The following RNF31 variants were observed in gnomAD, a reference collection of about 807,000 sequenced individuals.
The protein encoded by RNF31 is E3 ubiquitin-protein ligase RNF31.
Under a neutral mutation model 133.6 loss-of-function variants are expected in RNF31, and 38 were observed. The observed-to-expected ratio is 0.28, with a 90% CI of 0.22 to 0.37. RNF31 has a LOEUF of 0.37. Among genes scored for constraint, RNF31 ranks in the 10% least tolerant of loss-of-function variants. RNF31 has a pLI of 1.00. For synonymous variants in RNF31, 582 were observed against 552.3 expected (o/e 1.05, Z -0.75); for missense variants, 1,118 against 1,394.1 (o/e 0.80, Z 3.15).
At position 24,151,013 on chromosome 14, in the gene RNF31, C is replaced by A; in HGVS notation, c.1489-118C>A. On this transcript the variant is annotated intron_variant, in intron 8 of 20. Coordinates refer to ENST00000324103, the MANE Select transcript of RNF31 (RefSeq NM_017999.5). This position sits in a 1 kb window ranked among gnomAD's most constrained non-coding sequence, Gnocchi z 5.3. ...CAGCTGCCTGTTACTGAGGCAGTTA[C>A]CATTGCTGTACACTGATGACATGAT... The A allele has an allele frequency of 6.6e-7, 1 of 1,515,996 alleles. No individual in the cohort carries two copies. Among genetic ancestry groups the A allele is most frequent in the South Asian group, 1.3e-5 (1 of 79,164 alleles). 93.9% of individuals were successfully genotyped at this position (1,515,996 alleles called of 1,614,324 possible).
Position 24,157,649 on chromosome 14 carries a change from A to G in RNF31, c.2727+11A>G. On this transcript the variant is annotated intron_variant, in intron 16 of 20. Coordinates refer to ENST00000324103, the MANE Select transcript of RNF31 (RefSeq NM_017999.5). ...TTTTACGCCAAGAATGTAAGCCCAGAGAGTTGGGGAAGGGGTGGAAGGGTG... is the reference window on the plus strand; with the variant it reads ...TTTTACGCCAAGAATGTAAGCCCAGGGAGTTGGGGAAGGGGTGGAAGGGTG... 1 of 1,610,274 alleles carries G rather than the reference A, an allele frequency of 6.2e-7. No individual in the cohort carries two copies. Among genetic ancestry groups the G allele is most frequent in the East Asian group, 2.2e-5 (1 of 44,854 alleles).
Position 24,148,706 on chromosome 14 carries a change from G to C in RNF31, c.555+5G>C. 1 of 1,614,198 alleles carries C rather than the reference G, an allele frequency of 6.2e-7. No individual in the cohort carries two copies. Among genetic ancestry groups the C allele is most frequent in the Non-Finnish European group, 8.5e-7 (1 of 1,180,022 alleles). ...GAAGACAAGGTTGAAGATGATGTAAGGAAGGCAGGAAAGGGGCTGGTGTAC... is the reference window on the plus strand; with the variant it reads ...GAAGACAAGGTTGAAGATGATGTAACGAAGGCAGGAAAGGGGCTGGTGTAC... On this transcript the variant is annotated splice_donor_5th_base_variant and intron_variant, in intron 4 of 20. Coordinates refer to ENST00000324103, the MANE Select transcript of RNF31 (RefSeq NM_017999.5).
Position 24,160,175 on chromosome 14 carries a change from A to T in RNF31, c.2997-64A>T. On this transcript the variant is annotated intron_variant, in intron 19 of 20. Coordinates refer to ENST00000324103, the MANE Select transcript of RNF31 (RefSeq NM_017999.5). The surrounding 1 kb of genome is among the most constrained non-coding windows in gnomAD (Gnocchi z 4.0). ...CGTCCAGGTGTCTCAGAGTCCAGCT[A>T]TGTTAGACACACTCAGTTAATATTA... The T allele has an allele frequency of 1.3e-6, 2 of 1,545,610 alleles. No individual in the cohort carries two copies. Among genetic ancestry groups the T allele is most frequent in the Non-Finnish European group, 1.8e-6 (2 of 1,139,090 alleles).
upstream of RNF31, chr14:24,147,497 C>G (rs1369001948): frequency 4.5e-6 from 2 of 448,044 alleles, no homozygotes; most frequent in African/African-American, 2.1e-5. Context: ...CACCCTCTCT[C>G]CTAGTACTTC....
At chr14:24,158,894 G>T (rs942372383) in intron 18 of RNF31, among the ~76,000 whole-genome samples, 2 of 151,704 alleles carry the variant, frequency 1.3e-5, no homozygotes, top group Non-Finnish European at 2.9e-5. Flanking sequence ...TTAGCCGGGC[G>T]TGGTGGCGGG....
At chr14:24,157,172 G>T in intron 14 of RNF31, 118 bp from the exon 15 acceptor site, 1 of 655,966 alleles carries the variant, frequency 1.5e-6, no homozygotes. Flanking sequence ...TGAGCAAATG[G>T]TAGGTGGCAG....
intron 6 of RNF31, 124 bp downstream of exon 6, chr14:24,149,707 C>T (rs1301324596): frequency 4.1e-6 from 4 of 983,428 alleles, no homozygotes; most frequent in Middle Eastern, 2.3e-4. Flanking sequence ...CAGTCAGAAC[C>T]CTGAAAGAGA....
chr14:24,160,210 A>G lies in RNF31; in HGVS notation c.2997-29A>G, dbSNP rs921993995. 6.3e-7 allele frequency: 1 copy of G among 1,597,788 alleles called. No homozygotes were observed. The highest frequency in any genetic ancestry group is 8.5e-7 in the Non-Finnish European group (1 of 1,171,828). On this transcript the variant is annotated intron_variant, in intron 19 of 20. Coordinates refer to ENST00000324103, the MANE Select transcript of RNF31 (RefSeq NM_017999.5). The surrounding 1 kb of genome is among the most constrained non-coding windows in gnomAD (Gnocchi z 4.0). ...CACTCAGTTAATATTAGCCAACACA[A>G]CAAATATTCTGCTCCCTTTTCTCCC...
intron 14 of RNF31, 59 bp from the exon 15 acceptor site, chr14:24,157,231 C>A: frequency 7.5e-7 from 1 of 1,341,188 alleles, no homozygotes; most frequent in Non-Finnish European, 1.0e-6. Context: ...GAGGGGCCAG[C>A]AAGAAAGGCC....
chr14:24,147,093 C>T (rs1594372019), upstream of RNF31: 2 of 187,714 alleles, frequency 1.1e-5, no homozygotes, highest in Middle Eastern at 2.2e-3. Flanking sequence ...TGAGGGTCTT[C>T]CCTCTGCCTT....
In RNF31 at chr14:24,155,302, T is replaced by C; in HGVS notation, c.2276T>C (p.Leu759Pro). Residue 759 changes from leucine (L) to proline (P), a missense_variant, in exon 12 of 21, where the codon CTC becomes CCC. Physicochemically the swap from Leu to Pro is moderately conservative, Grantham distance 98 (BLOSUM62 -3). Transcript: ENST00000324103. The surrounding 1 kb of genome is among the most constrained non-coding windows in gnomAD (Gnocchi z 4.9). ...RPDLTDDTQL[L>P]SYFSTLDIQL... The stretch of plus-strand genomic sequence containing the variant: ...GACCTCACCGATGACACACAGTTGC[T>C]CAGCTACTTCTCTACCCTTGACATC... 6.2e-7 allele frequency: 1 copy of C among 1,614,178 alleles called. No individual in the cohort carries two copies. The highest frequency in any genetic ancestry group is 8.5e-7 in the Non-Finnish European group (1 of 1,180,032).
In RNF31 at chr14:24,160,376, A is replaced by C. The variant is rs1357940344; in HGVS notation, c.3134A>C (p.Asp1045Ala). 12 of 1,614,074 alleles carry C rather than the reference A, an allele frequency of 7.4e-6. No homozygotes were observed. The highest frequency in any genetic ancestry group is 8.5e-6 in the Non-Finnish European group (10 of 1,179,970). The change falls in exon 20 of 21, where the codon GAT (aspartate) becomes GCT (alanine). Residue 1045 changes from aspartate (D) to alanine (A), a missense_variant. This residue lies in a region of RNF31 where 170 missense variants were observed against 194.5 expected (regional missense o/e 0.87). Coordinates refer to ENST00000324103, the MANE Select transcript of RNF31 (RefSeq NM_017999.5). The surrounding 1 kb of genome is among the most constrained non-coding windows in gnomAD (Gnocchi z 4.0). ...HVRPQPLAGEDPPAYQARLLQ... is the reference protein window; with the variant it reads ...HVRPQPLAGEAPPAYQARLLQ... ...CGCCCCCAGCCTTTGGCTGGAGAGG[A>C]TCCCCCTGCTTACCAGGCCCGCTTG...
intron 17 of RNF31, 54 bp from the exon 18 acceptor site, chr14:24,158,088 A>G: frequency 6.2e-7 from 1 of 1,612,220 alleles, no homozygotes; most frequent in Non-Finnish European, 8.5e-7. Context: ...TAGGAATTGC[A>G]ACAGGGACTT....
At chr14:24,158,109 G>A (rs926990711) in intron 17 of RNF31, 33 bp from the exon 18 acceptor site, 1 of 1,613,418 alleles carries the variant, frequency 6.2e-7, no homozygotes, top group African/African-American at 1.3e-5. Context: ...GGCATCAAGG[G>A]GAATGTAACA....
rs375860323 is a variant in RNF31, at chr14:24,150,224, C to G, written c.973C>G (p.Arg325Gly). The stretch of plus-strand genomic sequence containing the variant: ...GGCAGTGCTCTGTGTGGCCTGTGAT[C>G]GGCCCCGAGGCTGTAAGGGGTTGGG... ...PWAVLCVACDRPRGCKGLGLG... is the reference protein window; with the variant it reads ...PWAVLCVACDGPRGCKGLGLG... The change falls in exon 7 of 21, where the codon CGG (arginine) becomes GGG (glycine). Residue 325 changes from arginine (R) to glycine (G), a missense_variant. Transcript: ENST00000324103. The G allele has an allele frequency of 1.2e-6, 2 of 1,614,066 alleles. No individual in the cohort carries two copies. Among genetic ancestry groups the G allele is most frequent in the African/African-American group, 2.7e-5 (2 of 74,926 alleles).
rs2038362808 is a variant in RNF31, at chr14:24,157,597, C to T, written c.2686C>T (p.Gln896Ter). 6.2e-7 allele frequency: 1 copy of T among 1,614,038 alleles called. No individual in the cohort carries two copies. The highest frequency in any genetic ancestry group is 1.3e-5 in the African/African-American group (1 of 74,920). Residue 896 changes from glutamine (Q) to a stop codon, truncating the protein, a stop_gained, in exon 16 of 21, where the codon CAG becomes TAG. Transcript: ENST00000324103. LOFTEE classifies it high-confidence loss of function. Reference protein sequence around the residue: ...MHFHCTQCRHQFCSGCYNAFY... With the variant: ...MHFHCTQCRH Reference sequence around the variant, plus strand: ...CTTTCACTGTACCCAGTGCCGCCACCAGTTCTGCAGCGGCTGCTACAATGC... The same window carrying T: ...CTTTCACTGTACCCAGTGCCGCCACTAGTTCTGCAGCGGCTGCTACAATGC...
In RNF31 at chr14:24,157,412, C is replaced by A. The variant is rs375496305; in HGVS notation, c.2608+8C>A. The A allele has an allele frequency of 1.9e-5, 31 of 1,606,962 alleles. No homozygotes were observed. In the African/African-American group the frequency reaches 3.6e-4, roughly 19 times the overall value. ...TTCAGGAAAACGGCATTGGTAAGGC[C>A]TCCCTACTCGGCCTGTTTGCTCAGA... is the stretch of plus-strand genomic sequence containing the variant. On this transcript the variant is annotated splice_region_variant and intron_variant, in intron 15 of 20. Transcript: ENST00000324103.
At chr14:24,147,417 C>G (rs966918805), upstream of RNF31, 1 of 318,734 alleles carries the variant, frequency 3.1e-6, no homozygotes, top group East Asian at 4.9e-5. Context: ...GCCGCGCCCC[C>G]TGGTTTCCTG....
At chr14:24,156,888 C>A (rs893763812) in intron 14 of RNF31, among the ~76,000 whole-genome samples, 1 of 152,130 alleles carries the variant, frequency 6.6e-6, no homozygotes, top group Non-Finnish European at 1.5e-5. Context: ...ACCACCAATC[C>A]TGTGGAAGCT....
Sources: gnomAD v4.1 joint callset for allele counts (sites outside exome capture counted in the v4.1 genomes callset) on GRCh38, gnomAD v4.1.1 for gene constraint, gnomAD v4.1.1 regional missense constraint, Gnocchi (gnomAD v3.1) non-coding constraint, MANE v1.5 for transcripts, NCBI Gene and HGNC (gene_info 2026-07-23, HGNC 2026-07-21) for gene names.